Variants in DACH1 observed in about 807,000 individuals in gnomAD.
The protein encoded by DACH1 is dachshund homolog 1.
Under a neutral mutation model 54.2 loss-of-function variants are expected in DACH1, and 12 were observed. The ratio of observed to expected loss-of-function variants is 0.22; its 90% confidence interval spans 0.14 to 0.36. The LOEUF (loss-of-function observed/expected upper bound fraction) is 0.36. DACH1 is among the 10% of genes least tolerant of loss of function. The probability of loss-of-function intolerance (pLI) is 1.00; values close to 1 mark genes in which losing one functional copy is unlikely to be tolerated. For synonymous variants in DACH1, 386 were observed against 366.2 expected, an observed-to-expected ratio of 1.05 and a Z score of -0.62; for missense variants, 805 against 929.8, an observed-to-expected ratio of 0.87 and a Z score of 1.75.
intron 10 of DACH1, among the ~76,000 whole-genome samples, chr13:71,441,343 ACAT>A (rs1873989387): frequency 6.6e-6 from 1 of 152,104 alleles, no homozygotes; most frequent in African/African-American, 2.4e-5. Flanking sequence ...AATCTTAGAG[ACAT>A]CGAATAAATC....
chr13:71,753,034 C>A lies in DACH1; in HGVS notation c.849-71124G>T, dbSNP rs184190623. Among the ~76,000 whole-genome samples the A allele has an allele frequency of 1.8e-4, 27 of 152,212 alleles. No homozygotes were observed. In the East Asian group the frequency reaches 5.0e-3, roughly 28 times the overall value. On this transcript the variant is annotated intron_variant, in intron 1 of 10. Coordinates refer to ENST00000613252, the MANE Select transcript of DACH1 (RefSeq NM_080759.6). ...AAAGCAAGCCAGAGAAGAGTTAAAC[C>A]TAACCTATTAATACCACTATGCATG... is the stretch of plus-strand genomic sequence containing the variant.
In DACH1 at chr13:71,656,921, CATATATATATAT is replaced by C. The variant is rs71123235; in HGVS notation, c.964+24862_964+24873del. Among the ~76,000 whole-genome samples the C allele has an allele frequency of 5.8e-4, 48 of 83,418 alleles. 1 individual carries two copies. In the South Asian group the frequency reaches 0.022, roughly 39 times the overall value. The allele number at this position is 83,418 out of a possible 152,430, so 54.7% of individuals were successfully genotyped here. A position where few individuals can be genotyped will look rare whatever the true frequency, so the allele number is the denominator to read the frequency against. On this transcript the variant is annotated intron_variant, in intron 2 of 10. Transcript: ENST00000613252. ...GAGTACAGATTGACTGTTCTTCTTT[CATATATATATAT>C]ATATATATATATATATGCGCATATA... is the stretch of plus-strand genomic sequence containing the variant.
chr13:71,526,651 A>G (rs1240136854), intron 6 of DACH1, among the ~76,000 whole-genome samples: 1 of 151,718 alleles, frequency 6.6e-6, no homozygotes, highest in Non-Finnish European at 1.5e-5. Flanking sequence ...TTTTAAATGC[A>G]ATCATTTTGA....
In DACH1 at chr13:71,735,227, G is replaced by T. The variant is rs1883983491; in HGVS notation, c.849-53317C>A. Among the ~76,000 whole-genome samples the T allele has an allele frequency of 1.4e-5, 2 of 143,808 alleles. 1 individual carries two copies. The highest frequency in any genetic ancestry group is 3.1e-5 in the Non-Finnish European group (2 of 64,782). The allele number at this position is 143,808 out of a possible 152,430, so 94.3% of individuals were successfully genotyped here. On this transcript the variant is annotated intron_variant, in intron 1 of 10. Coordinates refer to ENST00000613252, the MANE Select transcript of DACH1 (RefSeq NM_080759.6). ...ATACACGTATATGGGATATACATAT[G>T]TATATGGGATACACGTATATGGGAT...
intron 1 of DACH1, among the ~76,000 whole-genome samples, chr13:71,794,534 G>C (rs303944): frequency 0.021 from 3,125 of 152,216 alleles, 40 homozygotes; most frequent in Middle Eastern, 0.061. Flanking sequence ...CACCTCCCGG[G>C]TTCAAGTGAT....
At chr13:71,455,994 CA>C (rs947117226) in intron 10 of DACH1, among the ~76,000 whole-genome samples, 2 of 151,834 alleles carry the variant, frequency 1.3e-5, no homozygotes, top group Non-Finnish European at 1.5e-5. Flanking sequence ...GCAGTAACAA[CA>C]AAAAAAGGCA....
At chr13:71,831,930 G>T (rs1042611911) in intron 1 of DACH1, among the ~76,000 whole-genome samples, 5 of 151,846 alleles carry the variant, frequency 3.3e-5, no homozygotes, top group Non-Finnish European at 7.4e-5. Context: ...AGCGACCCTG[G>T]GGTGATTTAT....
At chr13:71,514,418 A>G (rs765152409) in intron 6 of DACH1, among the ~76,000 whole-genome samples, 1 of 151,890 alleles carries the variant, frequency 6.6e-6, no homozygotes, top group African/African-American at 2.4e-5. Context: ...GGATTTATAT[A>G]AAAAAGAATG....
At chr13:71,865,547 G>A (rs1202262970) in intron 1 of DACH1, among the ~76,000 whole-genome samples, 1 of 152,144 alleles carries the variant, frequency 6.6e-6, no homozygotes, top group Non-Finnish European at 1.5e-5. Flanking sequence ...GGACAGCAGC[G>A]CTGAGAGGGG....
intron 3 of DACH1, among the ~76,000 whole-genome samples, chr13:71,616,310 G>T (rs1044920026): frequency 2.0e-5 from 3 of 152,174 alleles, no homozygotes; most frequent in Non-Finnish European, 2.9e-5. Flanking sequence ...TGAACAGCTG[G>T]AGGCATGAAG....
intron 6 of DACH1, among the ~76,000 whole-genome samples, chr13:71,540,080 A>G (rs891880272): frequency 5.3e-5 from 8 of 151,966 alleles, no homozygotes; most frequent in Non-Finnish European, 1.0e-4. Flanking sequence ...ATTGTATATC[A>G]TATTTATTTA....
intron 3 of DACH1, among the ~76,000 whole-genome samples, chr13:71,621,549 AAAACGATGTAAAG>A (rs2138543820): frequency 6.6e-6 from 1 of 152,188 alleles, no homozygotes; most frequent in East Asian, 1.9e-4. Context: ...TTCCAAGACT[AAAACGATGTAAAG>A]AAATAAAAAA....
chr13:71,815,179 C>T (rs1192997729), intron 1 of DACH1, among the ~76,000 whole-genome samples: 2 of 152,184 alleles, frequency 1.3e-5, no homozygotes, highest in Non-Finnish European at 2.9e-5. Flanking sequence ...ATCAAAGCTT[C>T]TTTAATTACA....
rs549275966 is a variant in DACH1 at position 71,609,343 on chromosome 13, CGT to C, written c.1126+21211_1126+21212del. 9.7e-4 allele frequency among the ~76,000 whole-genome samples: 148 copies of C among 152,190 alleles called. 1 individual carries two copies. Among genetic ancestry groups the C allele is most frequent in the African/African-American group, 3.4e-3 (143 of 41,530 alleles). ...ATACATATAAACACACAAACATCCG[CGT>C]GTGTTTCACAATGATATGTGGATAA... On this transcript the variant is annotated intron_variant, in intron 3 of 10. Transcript: ENST00000613252.
At chr13:71,583,258 G>A (rs888828787) in intron 3 of DACH1, among the ~76,000 whole-genome samples, 1 of 152,076 alleles carries the variant, frequency 6.6e-6, no homozygotes, top group Non-Finnish European at 1.5e-5. Context: ...GTTTAGAAAA[G>A]ACAACAACTC....
intron 1 of DACH1, among the ~76,000 whole-genome samples, chr13:71,780,967 C>A (rs982891114): frequency 3.3e-5 from 5 of 152,128 alleles, no homozygotes; most frequent in Admixed American, 3.3e-4. Context: ...GACCTTATCT[C>A]TACAAAAAAT....
At chr13:71,755,690 C>T (rs556245448) in intron 1 of DACH1, among the ~76,000 whole-genome samples, 1 of 152,136 alleles carries the variant, frequency 6.6e-6, no homozygotes, top group Non-Finnish European at 1.5e-5. Flanking sequence ...TCTTTAAGAA[C>T]ATGGGATACT....
chr13:71,743,413 A>G (rs1884484731), intron 1 of DACH1, among the ~76,000 whole-genome samples: 1 of 152,220 alleles, frequency 6.6e-6, no homozygotes, highest in African/African-American at 2.4e-5. Context: ...CTGTTTCTAT[A>G]CAGCAGAATC....
intron 3 of DACH1, among the ~76,000 whole-genome samples, chr13:71,629,700 G>A (rs1000812826): frequency 3.9e-5 from 6 of 152,030 alleles, no homozygotes; most frequent in Non-Finnish European, 7.4e-5. Flanking sequence ...AGTTATTAGG[G>A]TCTTCATAAA....
Sources: allele counts gnomAD v4.1 joint callset (sites outside exome capture counted in the v4.1 genomes callset), GRCh38; gene constraint gnomAD v4.1.1; transcripts MANE v1.5; gene names NCBI Gene and HGNC (gene_info 2026-07-23, HGNC 2026-07-21).